TPD52: variants seen among roughly 807,000 people sequenced by gnomAD.
The protein encoded by TPD52 is tumor protein D52, also known as prostate and colon associated protein.
TPD52 carries 17 observed loss-of-function variants against 31.3 expected under a neutral mutation model. That is an observed-to-expected ratio of 0.54 (90% confidence interval 0.37 to 0.82). TPD52 has a LOEUF of 0.82. Among genes scored for constraint, TPD52 ranks in the 40% least tolerant of loss-of-function variants. The pLI is 0.00. For synonymous variants in TPD52, 83 were observed against 89.6 expected (o/e 0.93, Z 0.42); for missense variants, 212 against 240.1 (o/e 0.88, Z 0.77).
chr8:80,164,898 CAAAAAAAAAAAAA>C (rs34027501), intron 1 of TPD52, among the ~76,000 whole-genome samples: 3 of 31,902 alleles, frequency 9.4e-5, no homozygotes, highest in East Asian at 9.4e-4. Context: ...GACAATGTCT[CAAAAAAAAAAAAA>C]AAAAAAAAAA....
intron 1 of TPD52, among the ~76,000 whole-genome samples, chr8:80,125,490 T>G (rs199737852): frequency 1.3e-5 from 2 of 152,012 alleles, no homozygotes; most frequent in Admixed American, 6.6e-5. Context: ...CTTTTTCCAG[T>G]GGCAATTAAG....
intron 7 of TPD52, among the ~76,000 whole-genome samples, chr8:80,041,157 G>A (rs1280784994): frequency 1.3e-5 from 2 of 152,210 alleles, no homozygotes; most frequent in African/African-American, 2.4e-5. Context: ...TGGGATGGTA[G>A]GGGAGGGATA....
At chr8:80,099,624 C>T (rs1361376314) in intron 1 of TPD52, among the ~76,000 whole-genome samples, 1 of 151,750 alleles carries the variant, frequency 6.6e-6, no homozygotes, top group African/African-American at 2.4e-5. Flanking sequence ...GATTCTCCTG[C>T]CTCAGCCTCC....
intron 5 of TPD52, 120 bp downstream of exon 5, chr8:80,050,324 TA>T: frequency 2.1e-6 from 2 of 948,408 alleles, no homozygotes; most frequent in Non-Finnish European, 3.0e-6. Context: ...AAAGATACTC[TA>T]AACGCAAGAA....
At chr8:80,141,451 G>A (rs867828014) in intron 1 of TPD52, among the ~76,000 whole-genome samples, 1 of 152,128 alleles carries the variant, frequency 6.6e-6, no homozygotes. Context: ...CTGGGGTGAG[G>A]AACTGGCACC....
Position 80,038,244 on chromosome 8 carries a change from A to G in TPD52, c.505-9T>C, listed in dbSNP as rs1280506434. On this transcript the variant is annotated splice_polypyrimidine_tract_variant and intron_variant, in intron 7 of 7. Coordinates refer to ENST00000518937, the MANE Select transcript of TPD52 (RefSeq NM_001025253.3). The stretch of plus-strand genomic sequence containing the variant: ...GTTCCCCCTACTTTAGACTTAAAAA[A>G]AAGTTCAAAAAAGGGAAAGACATTA... 8 of 1,612,694 alleles carry G rather than the reference A, an allele frequency of 5.0e-6. No homozygotes were observed. The highest frequency in any genetic ancestry group is 6.8e-6 in the Non-Finnish European group (8 of 1,179,298).
At position 80,140,734 on chromosome 8, in the gene TPD52, C is replaced by T. The variant is rs531820552; in HGVS notation, c.19+30691G>A. ...AACAAATTCTAAACAATATGATGTA[C>T]GTAAAAGGGTTAGCTGCACCGCACT... On this transcript the variant is annotated intron_variant, in intron 1 of 7. Transcript: ENST00000518937. 1.1e-4 allele frequency among the ~76,000 whole-genome samples: 17 copies of T among 152,220 alleles called. No homozygotes were observed. In the South Asian group the frequency reaches 2.9e-3, roughly 26 times the overall value.
In TPD52 at chr8:80,072,352, T is replaced by C. The variant is rs113625610; in HGVS notation, c.20-7759A>G. Reference sequence around the variant, plus strand: ...GTGTGTGTGTGTGTGTGTGTGTATGTGTGTATATACATGTACACATAGATA... The same window carrying C: ...GTGTGTGTGTGTGTGTGTGTGTATGCGTGTATATACATGTACACATAGATA... On this transcript the variant is annotated intron_variant, in intron 1 of 7. Transcript: ENST00000518937. Among the ~76,000 whole-genome samples the C allele has an allele frequency of 1.6e-4, 25 of 151,740 alleles. 1 individual carries two copies. Among genetic ancestry groups the C allele is most frequent in the East Asian group, 1.4e-3 (7 of 5,122 alleles).
chr8:80,071,154 A>C (rs1022945618), intron 1 of TPD52, among the ~76,000 whole-genome samples: 3 of 152,132 alleles, frequency 2.0e-5, no homozygotes, highest in African/African-American at 7.2e-5. Context: ...GACCCTGCCA[A>C]CGCCTTCATT....
At chr8:80,066,168 C>G (rs1025288948) in intron 1 of TPD52, among the ~76,000 whole-genome samples, 1 of 152,126 alleles carries the variant, frequency 6.6e-6, no homozygotes, top group African/African-American at 2.4e-5. Flanking sequence ...GAACAAGCAG[C>G]CAGCGTCGCA....
chr8:80,113,010 T>C (rs944808225), intron 1 of TPD52, among the ~76,000 whole-genome samples: 4 of 152,192 alleles, frequency 2.6e-5, no homozygotes, highest in Admixed American at 6.5e-5. Context: ...TTTAATAATT[T>C]TGTGCATGAA....
chr8:80,146,797 A>G (rs1810228431), intron 1 of TPD52, among the ~76,000 whole-genome samples: 1 of 152,242 alleles, frequency 6.6e-6, no homozygotes, highest in Non-Finnish European at 1.5e-5. Flanking sequence ...GTACTAGCAC[A>G]GAAAGTGCTC....
At position 80,125,383 on chromosome 8, in the gene TPD52, A is replaced by ACTC. The variant is rs149011685; in HGVS notation, c.19+46039_19+46041dup. ...CAGGGAGCTACGATCCTGCCACTGA[A>ACTC]CTCCAGCCTGAGTGACAGAGAGACA... On this transcript the variant is annotated intron_variant, in intron 1 of 7. Coordinates refer to ENST00000518937, the MANE Select transcript of TPD52 (RefSeq NM_001025253.3). Among the ~76,000 whole-genome samples, 7 of 152,166 alleles carry ACTC rather than the reference A, an allele frequency of 4.6e-5. No individual in the cohort carries two copies. In the East Asian group the frequency reaches 1.4e-3, roughly 29 times the overall value.
At chr8:80,049,402 T>A (rs962802918) in intron 5 of TPD52, among the ~76,000 whole-genome samples, 1 of 152,214 alleles carries the variant, frequency 6.6e-6, no homozygotes, top group Non-Finnish European at 1.5e-5. Context: ...CAATCACCTA[T>A]CATTGGTTAC....
intron 1 of TPD52, among the ~76,000 whole-genome samples, chr8:80,138,126 A>T (rs1269363297): frequency 6.6e-6 from 1 of 151,924 alleles, no homozygotes; most frequent in African/African-American, 2.4e-5. Context: ...TATTTTTTGT[A>T]GAGATGGGGT....
chr8:80,163,675 T>C (rs549683599), intron 1 of TPD52, among the ~76,000 whole-genome samples: 2 of 152,292 alleles, frequency 1.3e-5, no homozygotes, highest in East Asian at 3.9e-4. Context: ...CAGAATGAGA[T>C]TCAGTAACAG....
At chr8:80,133,318 G>C (rs1458210542) in intron 1 of TPD52, among the ~76,000 whole-genome samples, 7 of 152,092 alleles carry the variant, frequency 4.6e-5, no homozygotes, top group Non-Finnish European at 8.8e-5. Context: ...GACAGCCTGT[G>C]ATTGACCCTC....
intron 5 of TPD52, 25 bp from the exon 6 acceptor site, chr8:80,044,233 T>C (rs779691772): frequency 1.3e-5 from 20 of 1,560,302 alleles, no homozygotes; most frequent in South Asian, 9.6e-5. Flanking sequence ...TAAAAAGAGA[T>C]AGAAATAAGG....
At chr8:80,056,959 A>C (rs534847862) in intron 2 of TPD52, among the ~76,000 whole-genome samples, 1 of 152,200 alleles carries the variant, frequency 6.6e-6, no homozygotes, top group Non-Finnish European at 1.5e-5. Flanking sequence ...ACTTGAGGTC[A>C]GGGGTTTGAG....
Sources: allele counts gnomAD v4.1 joint callset (sites outside exome capture counted in the v4.1 genomes callset), GRCh38; gene constraint gnomAD v4.1.1; transcripts MANE v1.5; gene names NCBI Gene and HGNC (gene_info 2026-07-23, HGNC 2026-07-21).